BCAS3: variants seen among roughly 807,000 people sequenced by gnomAD.
BCAS3 encodes the protein BCAS3 microtubule associated cell migration factor.
Under a neutral mutation model 116.1 loss-of-function variants are expected in BCAS3, and 53 were observed. That is an observed-to-expected ratio of 0.46 (90% CI 0.37 to 0.57). The LOEUF is 0.57. Among genes scored for constraint, BCAS3 ranks in the 20% least tolerant of loss-of-function variants. The probability of loss-of-function intolerance (pLI) is 0.00; values close to 1 mark genes in which losing one functional copy is unlikely to be tolerated. For synonymous variants in BCAS3, 391 were observed against 408.2 expected, an observed-to-expected ratio of 0.96 and a Z score of 0.51; for missense variants, 917 against 1,165.4, an observed-to-expected ratio of 0.79 and a Z score of 3.10.
intron 9 of BCAS3, among the ~76,000 whole-genome samples, chr17:60,881,015 C>G (rs1017058406): frequency 6.6e-6 from 1 of 152,186 alleles, no homozygotes; most frequent in African/African-American, 2.4e-5. Context: ...CGCTCTGTCA[C>G]CCAGGCTGGA....
At chr17:60,792,942 C>T (rs1014601709) in intron 6 of BCAS3, among the ~76,000 whole-genome samples, 1 of 152,040 alleles carries the variant, frequency 6.6e-6, no homozygotes, top group Non-Finnish European at 1.5e-5. Flanking sequence ...TTCCCCTCTG[C>T]CACCCTAGTG....
chr17:61,049,725 CTTTTCT>C (rs1173089871), intron 19 of BCAS3, among the ~76,000 whole-genome samples: 66 of 139,468 alleles, frequency 4.7e-4, no homozygotes, highest in African/African-American at 1.8e-3. Context: ...CTTTTCTTTT[CTTTTCT>C]TTTTTTTTTT....
rs969196162 is a variant in BCAS3, at chr17:61,162,189, G to C, written c.2425+77625G>C. 2.6e-5 allele frequency among the ~76,000 whole-genome samples: 4 copies of C among 152,264 alleles called. No individual in the cohort carries two copies. The highest frequency in any genetic ancestry group is 4.4e-5 in the Non-Finnish European group (3 of 68,024). ...GATATTTTATTGGGAAATATCCTGGGTAAGTAAACAGTGATTGCAATGTGT... is the reference window on the plus strand; with the variant it reads ...GATATTTTATTGGGAAATATCCTGGCTAAGTAAACAGTGATTGCAATGTGT... On this transcript the variant is annotated intron_variant, in intron 22 of 23. Transcript: ENST00000407086. The surrounding 1 kb of genome is among the most constrained non-coding windows in gnomAD (Gnocchi z 5.6).
intron 22 of BCAS3, among the ~76,000 whole-genome samples, chr17:61,293,458 A>C (rs2052623552): frequency 6.6e-6 from 1 of 152,176 alleles, no homozygotes; most frequent in African/African-American, 2.4e-5. Context: ...GATGGTGAAA[A>C]AAAAAGTTAA....
chr17:60,996,232 T>C (rs2063825947), intron 15 of BCAS3, among the ~76,000 whole-genome samples: 1 of 152,170 alleles, frequency 6.6e-6, no homozygotes, highest in African/African-American at 2.4e-5. Flanking sequence ...GAGATCTGTA[T>C]TGAGAACACA....
At chr17:60,899,496 C>G (rs549252350) in intron 10 of BCAS3, among the ~76,000 whole-genome samples, 2 of 152,094 alleles carry the variant, frequency 1.3e-5, no homozygotes, top group East Asian at 3.9e-4. Context: ...GCAGTGACAG[C>G]CTGAGATTTT....
chr17:60,881,415 T>A, intron 9 of BCAS3, among the ~76,000 whole-genome samples: 1 of 152,198 alleles, frequency 6.6e-6, no homozygotes, highest in African/African-American at 2.4e-5. Context: ...TTACAGTATT[T>A]CATTCTAAGA....
intron 22 of BCAS3, among the ~76,000 whole-genome samples, chr17:61,179,685 A>T (rs933752752): frequency 6.6e-6 from 1 of 152,190 alleles, no homozygotes; most frequent in African/African-American, 2.4e-5. Flanking sequence ...TGGTGGTATT[A>T]GTGGCATTTT....
In BCAS3 at chr17:61,367,612, T is replaced by C. The variant is rs1284137017; in HGVS notation, c.2426-715T>C. ...AGACCAGGTAGTGAAGTAGAACGTG[T>C]TCTCAACTGAGGCATCAGGAGAGCG... On this transcript the variant is annotated intron_variant, in intron 22 of 23. Transcript: ENST00000407086. The surrounding 1 kb of genome is among the most constrained non-coding windows in gnomAD (Gnocchi z 6.2). 6.6e-6 allele frequency: 1 copy of C among 152,178 alleles called. No individual in the cohort carries two copies. The highest frequency in any genetic ancestry group is 1.5e-5 in the Non-Finnish European group (1 of 68,030). The allele number at this position is 152,178 out of a possible 1,614,324, so 9.4% of individuals were successfully genotyped here.
At chr17:60,936,628 C>T (rs1276374064) in intron 13 of BCAS3, among the ~76,000 whole-genome samples, 4 of 152,150 alleles carry the variant, frequency 2.6e-5, no homozygotes, top group African/African-American at 9.7e-5. Flanking sequence ...AGCATTTTTT[C>T]ATGTGTCTTT....
chr17:60,851,613 G>A, intron 7 of BCAS3: 2 of 657,490 alleles, frequency 3.0e-6, no homozygotes, highest in Non-Finnish European at 2.8e-6. Flanking sequence ...ACAAATAAAA[G>A]GGCAAAGGGG....
intron 5 of BCAS3, 94 bp downstream of exon 5, chr17:60,709,419 C>T (rs979803998): frequency 3.3e-5 from 25 of 758,996 alleles, no homozygotes; most frequent in Admixed American, 3.3e-4. Context: ...GAGACAGAGT[C>T]TCACTCTTCG....
chr17:61,311,407 A>G (rs1476808100), intron 22 of BCAS3, among the ~76,000 whole-genome samples: 1 of 152,208 alleles, frequency 6.6e-6, no homozygotes, highest in Non-Finnish European at 1.5e-5. Flanking sequence ...TGGTTGATGG[A>G]GTTACATCCT....
intron 7 of BCAS3, chr17:60,810,687 G>A (rs2144635328): frequency 3.0e-6 from 2 of 666,454 alleles, no homozygotes; most frequent in Non-Finnish European, 5.6e-6. Context: ...AGCTGGCCAT[G>A]CCCTAGTCTG....
Position 61,339,911 on chromosome 17 carries a change from A to G in BCAS3, c.2426-28416A>G, listed in dbSNP as rs2057018568. Among the ~76,000 whole-genome samples, 1 of 152,214 alleles carries G rather than the reference A, an allele frequency of 6.6e-6. No individual in the cohort carries two copies. The highest frequency in any genetic ancestry group is 1.5e-5 in the Non-Finnish European group (1 of 68,032). On this transcript the variant is annotated intron_variant, in intron 22 of 23. Coordinates refer to ENST00000407086, the MANE Select transcript of BCAS3 (RefSeq NM_017679.5). The surrounding 1 kb of genome is among the most constrained non-coding windows in gnomAD (Gnocchi z 4.4). Reference sequence around the variant, plus strand: ...AGAGGGTCAACTATGTCGAAAGCACACTTGACCTGCTGAAAGATGAGGCCA... The same window carrying G: ...AGAGGGTCAACTATGTCGAAAGCACGCTTGACCTGCTGAAAGATGAGGCCA...
intron 5 of BCAS3, among the ~76,000 whole-genome samples, chr17:60,745,415 C>G (rs569627909): frequency 6.6e-6 from 1 of 152,008 alleles, no homozygotes; most frequent in South Asian, 2.1e-4. Context: ...TAGCCAATAA[C>G]ACATCTGTAA....
At chr17:60,834,247 GTCT>G (rs2051183914) in intron 7 of BCAS3, among the ~76,000 whole-genome samples, 1 of 151,850 alleles carries the variant, frequency 6.6e-6, no homozygotes, top group East Asian at 1.9e-4. Context: ...ATATTTTATT[GTCT>G]TCTTAATAAA....
intron 6 of BCAS3, among the ~76,000 whole-genome samples, chr17:60,798,583 TCTG>T (rs2047420588): frequency 6.6e-6 from 1 of 152,260 alleles, no homozygotes. Context: ...TATCCATTCA[TCTG>T]CTGAAGAACA....
intron 7 of BCAS3, among the ~76,000 whole-genome samples, chr17:60,838,830 G>A (rs893398007): frequency 1.3e-5 from 2 of 152,030 alleles, no homozygotes; most frequent in South Asian, 2.1e-4. Flanking sequence ...TTACAGACAG[G>A]GTTTCATTAT....
Sources: gnomAD v4.1 joint callset for allele counts (sites outside exome capture counted in the v4.1 genomes callset) on GRCh38, gnomAD v4.1.1 for gene constraint, Gnocchi (gnomAD v3.1) non-coding constraint, MANE v1.5 for transcripts, NCBI Gene and HGNC (gene_info 2026-07-23, HGNC 2026-07-21) for gene names.